The following NHSL2 variants were observed in gnomAD, a reference collection of about 807,000 sequenced individuals.
The protein encoded by NHSL2 is NHS like 2, also known as NHS-like protein 2.
NHSL2 carries 27 observed loss-of-function variants against 53.4 expected under a neutral mutation model. That is an observed-to-expected ratio of 0.51 (90% CI 0.37 to 0.70). The LOEUF (loss-of-function observed/expected upper bound fraction) is 0.70. Ranked by LOEUF, NHSL2 falls within the 30% of genes least tolerant of loss-of-function variation. NHSL2 has a pLI of 0.00. For synonymous variants in NHSL2, 408 were observed against 404.1 expected, an observed-to-expected ratio of 1.01 and a Z score of -0.12; for missense variants, 892 against 980.1, an observed-to-expected ratio of 0.91 and a Z score of 1.20.
In NHSL2 at chrX:72,039,185, G is replaced by A. The variant is rs750300073; in HGVS notation, c.281-92894G>A. 3.0e-4 allele frequency among the ~76,000 whole-genome samples: 29 copies of A among 96,964 alleles called. No individual in the cohort carries two copies. The East Asian group carries it at 8.7e-3, about 29-fold the overall frequency. The allele number at this position is 96,964 out of a possible 115,157, so 84.2% of individuals were successfully genotyped here. A position where few individuals can be genotyped will look rare whatever the true frequency, so the allele number is the denominator to read the frequency against. On this transcript the variant is annotated intron_variant, in intron 1 of 7. Transcript: ENST00000633930. ...CTTTATTTCAATTAGGAAAGGGAAA[G>A]TGATCTTGTGCAACACGACTCTTAG...
At chrX:72,112,482 C>T (rs1257398070) in intron 1 of NHSL2, among the ~76,000 whole-genome samples, 1 of 111,850 alleles carries the variant, frequency 8.9e-6, no homozygotes, top group East Asian at 2.8e-4. Flanking sequence ...ACCTTTTTCT[C>T]ATTAGCAGTC....
chrX:72,140,755 G>A lies in NHSL2; in HGVS notation c.3207G>A (p.Arg1069=). 1 of 1,181,512 alleles carries A rather than the reference G, an allele frequency of 8.5e-7. No individual in the cohort carries two copies. Among genetic ancestry groups the A allele is most frequent in the Non-Finnish European group, 1.1e-6 (1 of 879,378 alleles). The part of the protein sequence containing the change: ...VTSTPQADSE[R]EASPLGSSVE... ...CAACTCCTCAGGCTGACAGTGAAAGGGAGGCAAGCCCTCTGGGTTAGTAAA... is the reference window on the plus strand; with the variant it reads ...CAACTCCTCAGGCTGACAGTGAAAGAGAGGCAAGCCCTCTGGGTTAGTAAA... The change falls in exon 6 of 8, where the codon AGG becomes AGA. Residue 1069 remains arginine, a synonymous_variant. Coordinates refer to ENST00000633930, the MANE Select transcript of NHSL2 (RefSeq NM_001013627.3).
chrX:72,030,600 G>A (rs2042209786), intron 1 of NHSL2, among the ~76,000 whole-genome samples: 2 of 111,337 alleles, frequency 1.8e-5, no homozygotes, highest in Admixed American at 1.9e-4. Context: ...CCTTCCATTT[G>A]GTATTTACAC....
chrX:72,093,721 G>GCTTT (rs545225009), intron 1 of NHSL2, among the ~76,000 whole-genome samples: 2,074 of 95,253 alleles, frequency 0.022, 36 homozygotes, highest in East Asian at 0.067. Flanking sequence ...TAGCTTGCTT[G>GCTTT]CTTTCTTTCT....
chrX:71,938,809 G>A (rs147608756), intron 1 of NHSL2, among the ~76,000 whole-genome samples: 1,480 of 112,799 alleles, frequency 0.013, 23 homozygotes, highest in African/African-American at 0.046. Context: ...TAGCTTGAGA[G>A]CACAGGACCT....
chrX:71,996,772 A>G (rs748196633), intron 1 of NHSL2, among the ~76,000 whole-genome samples: 120 of 111,861 alleles, frequency 1.1e-3, no homozygotes, highest in Non-Finnish European at 1.7e-3. Context: ...CCATGGTTGG[A>G]GCAATGAGAC....
At chrX:71,999,478 T>C (rs1192405110) in intron 1 of NHSL2, among the ~76,000 whole-genome samples, 1 of 112,288 alleles carries the variant, frequency 8.9e-6, no homozygotes, top group Non-Finnish European at 1.9e-5. Flanking sequence ...CAGCCATCAT[T>C]AAAAATTAAA....
At chrX:72,026,644 G>A (rs745984533) in intron 1 of NHSL2, among the ~76,000 whole-genome samples, 2 of 112,411 alleles carry the variant, frequency 1.8e-5, no homozygotes, top group African/African-American at 3.2e-5. Flanking sequence ...TGGAGGTGAG[G>A]GCGAGATAAG....
At chrX:71,979,957 T>A (rs1401912677) in intron 1 of NHSL2, among the ~76,000 whole-genome samples, 1 of 112,193 alleles carries the variant, frequency 8.9e-6, no homozygotes, top group East Asian at 2.8e-4. Flanking sequence ...AAGGAAAGGA[T>A]CCAGTTTCAG....
intron 1 of NHSL2, among the ~76,000 whole-genome samples, chrX:71,963,860 C>T (rs2041879408): frequency 9.9e-6 from 1 of 101,392 alleles, no homozygotes; most frequent in Non-Finnish European, 2.0e-5. Context: ...AAGGTTGAGG[C>T]TGCAGTGAGC....
intron 1 of NHSL2, among the ~76,000 whole-genome samples, chrX:72,034,364 C>A (rs1482329178): frequency 8.9e-6 from 1 of 111,948 alleles, no homozygotes; most frequent in South Asian, 3.6e-4. Flanking sequence ...TGCCTATATT[C>A]ATGAACTATA....
intron 1 of NHSL2, chrX:72,044,591 GC>G: frequency 9.3e-7 from 1 of 1,073,188 alleles, no homozygotes; most frequent in African/African-American, 1.8e-5. Flanking sequence ...AAGGGCCGCG[GC>G]CACGTGCAGC....
At chrX:71,930,543 A>G (rs1324986931) in intron 1 of NHSL2, among the ~76,000 whole-genome samples, 1 of 112,127 alleles carries the variant, frequency 8.9e-6, no homozygotes, top group Admixed American at 9.4e-5. Flanking sequence ...TACTGGTCCA[A>G]TTCCCCATCT....
At chrX:72,053,250 A>G (rs1467652137) in intron 1 of NHSL2, among the ~76,000 whole-genome samples, 2 of 111,322 alleles carry the variant, frequency 1.8e-5, no homozygotes, top group African/African-American at 6.5e-5. Flanking sequence ...ATTTCTTCTG[A>G]GAAGTTAGGG....
rs1451589784 is a variant in NHSL2, at chrX:72,143,434, C to T, written c.3538C>T (p.Leu1180=). The change falls in exon 8 of 8, where the codon CTA becomes TTA. Residue 1180 remains leucine, a synonymous_variant. Transcript: ENST00000633930. ...CAGAAATGACGATTTCAAGGCCTTG[C>T]TACAGAAGAAGGGAAGTAAGGCAAC... ...AGRNDDFKAL[L]QKKGSKATPR... is the part of the protein sequence containing the mutation. 2 of 1,167,430 alleles carry T rather than the reference C, an allele frequency of 1.7e-6. No individual in the cohort carries two copies. Among genetic ancestry groups the T allele is most frequent in the South Asian group, 3.8e-5 (2 of 52,724 alleles).
chrX:71,921,017 C>A (rs1283291274), intron 1 of NHSL2, among the ~76,000 whole-genome samples: 1 of 109,035 alleles, frequency 9.2e-6, no homozygotes, highest in Non-Finnish European at 1.9e-5. Flanking sequence ...GTTGGTCAGG[C>A]TGGTCTTGAA....
In NHSL2 at chrX:72,151,183, A is replaced by ATTTTTT. The variant is rs373883242; in HGVS notation, c.*7618_*7623dup. The stretch of plus-strand genomic sequence containing the variant: ...GTGCGTGCCACCATGCCCAGCTAAT[A>ATTTTTT]TTTTTTTTTTTTTTGTATTTTTAGT... On this transcript the variant is annotated 3_prime_UTR_variant, in exon 8 of 8. Transcript: ENST00000633930. 1.0e-5 allele frequency: 1 copy of ATTTTTT among 99,729 alleles called. No individual in the cohort carries two copies. The highest frequency in any genetic ancestry group is 1.1e-4 in the Admixed American group (1 of 9,146). The allele number at this position is 99,729 out of a possible 1,213,427, so 8.2% of individuals were successfully genotyped here.
At chrX:71,949,616 C>T (rs965761200) in intron 1 of NHSL2, among the ~76,000 whole-genome samples, 5 of 111,896 alleles carry the variant, frequency 4.5e-5, no homozygotes, top group African/African-American at 1.6e-4. Flanking sequence ...CCACCACAGC[C>T]CAAAGGGGTG....
chrX:72,067,168 G>A (rs907738202), intron 1 of NHSL2, among the ~76,000 whole-genome samples: 9 of 110,502 alleles, frequency 8.1e-5, no homozygotes, highest in African/African-American at 2.6e-4. Flanking sequence ...CAAACAAACC[G>A]CTTCAAGAAG....
Sources: allele counts gnomAD v4.1 joint callset (sites outside exome capture counted in the v4.1 genomes callset), GRCh38; gene constraint gnomAD v4.1.1; transcripts MANE v1.5; gene names NCBI Gene and HGNC (gene_info 2026-07-23, HGNC 2026-07-21).